The following SGMS1 variants were observed in gnomAD, a reference collection of about 807,000 sequenced individuals.
SGMS1 encodes the protein phosphatidylcholine:ceramide cholinephosphotransferase 1.
SGMS1 carries 13 observed loss-of-function variants against 46.2 expected under a neutral mutation model. The ratio of observed to expected loss-of-function variants is 0.28; its 90% confidence interval spans 0.18 to 0.45. The LOEUF is 0.45. Among genes scored for constraint, SGMS1 ranks in the 20% least tolerant of loss-of-function variants. SGMS1 has a pLI of 1.00. For missense variants in SGMS1, 324 were observed against 519.9 expected, an observed-to-expected ratio of 0.62 and a Z score of 3.66; for synonymous variants, 203 against 187.8, an observed-to-expected ratio of 1.08 and a Z score of -0.66.
chr10:50,373,480 A>G (rs189621974), intron 6 of SGMS1, among the ~76,000 whole-genome samples: 94 of 152,378 alleles, frequency 6.2e-4, no homozygotes, highest in African/African-American at 2.2e-3. Flanking sequence ...GCATTATGTG[A>G]TCATAACCTG....
chr10:50,403,426 G>A (rs560332903), intron 6 of SGMS1, among the ~76,000 whole-genome samples: 2 of 152,254 alleles, frequency 1.3e-5, no homozygotes, highest in Non-Finnish European at 2.9e-5. Flanking sequence ...ACATTTGTCA[G>A]GCATGCATAT....
intron 6 of SGMS1, among the ~76,000 whole-genome samples, chr10:50,348,897 C>T (rs113780604): frequency 0.032 from 4,922 of 152,276 alleles, 81 homozygotes; most frequent in African/African-American, 0.047. Flanking sequence ...GGAAGCATCA[C>T]GCTACCTGAC....
chr10:50,559,342 G>C (rs760780859), intron 2 of SGMS1, among the ~76,000 whole-genome samples: 15 of 152,110 alleles, frequency 9.9e-5, no homozygotes, highest in Non-Finnish European at 2.2e-4. Flanking sequence ...ACCCTACACT[G>C]TCATTCCAAA....
intron 5 of SGMS1, among the ~76,000 whole-genome samples, chr10:50,445,677 C>T (rs982615338): frequency 1.3e-5 from 2 of 152,080 alleles, no homozygotes; most frequent in Non-Finnish European, 2.9e-5. Flanking sequence ...ATGAATGTCA[C>T]CTCAGGACCC....
chr10:50,623,843 G>C lies in SGMS1; in HGVS notation c.-820C>G. The C allele has an allele frequency of 3.0e-6, 3 of 985,384 alleles. No individual in the cohort carries two copies. Among genetic ancestry groups the C allele is most frequent in the Non-Finnish European group, 3.6e-6 (3 of 829,974 alleles). The allele number at this position is 985,384 out of a possible 1,614,324, so 61.0% of individuals were successfully genotyped here. The stretch of plus-strand genomic sequence containing the variant: ...CCGGCTCCCTAGGCGCGAGGGGAGA[G>C]CAGTCAGCCCAGGCCGGTCCTTCTC... On this transcript the variant is annotated 5_prime_UTR_variant, in exon 1 of 11. Coordinates refer to ENST00000361781, the MANE Select transcript of SGMS1 (RefSeq NM_147156.4).
intron 6 of SGMS1, among the ~76,000 whole-genome samples, chr10:50,358,329 A>G (rs1848189798): frequency 6.6e-6 from 1 of 152,226 alleles, no homozygotes; most frequent in Non-Finnish European, 1.5e-5. Flanking sequence ...AAGAATTGAT[A>G]TTATTTTATT....
At chr10:50,440,330 T>C (rs977946890) in intron 5 of SGMS1, among the ~76,000 whole-genome samples, 3 of 151,406 alleles carry the variant, frequency 2.0e-5, no homozygotes, top group African/African-American at 7.3e-5. Context: ...ACATTCTCCT[T>C]CCTAATCCTT....
intron 8 of SGMS1, among the ~76,000 whole-genome samples, chr10:50,315,688 A>G (rs1009835353): frequency 2.0e-5 from 3 of 152,212 alleles, no homozygotes; most frequent in African/African-American, 7.2e-5. Flanking sequence ...AACCTTGCCT[A>G]TCAGTAGCTT....
chr10:50,450,784 C>T (rs1394737010), intron 5 of SGMS1, among the ~76,000 whole-genome samples: 2 of 152,028 alleles, frequency 1.3e-5, no homozygotes, highest in East Asian at 3.9e-4. Context: ...TTAATAATTT[C>T]CTAATAAACC....
intron 9 of SGMS1, among the ~76,000 whole-genome samples, chr10:50,308,616 C>A (rs976014031): frequency 6.6e-6 from 1 of 152,036 alleles, no homozygotes; most frequent in Non-Finnish European, 1.5e-5. Context: ...ATACACTAAT[C>A]TGAAAGTCTT....
intron 6 of SGMS1, among the ~76,000 whole-genome samples, chr10:50,344,682 A>C (rs1001774936): frequency 1.3e-4 from 20 of 152,000 alleles, no homozygotes; most frequent in Non-Finnish European, 2.5e-4. Flanking sequence ...ATCCTGGCTA[A>C]CACGGTGAAA....
At chr10:50,321,034 G>T (rs1847433756) in intron 8 of SGMS1, among the ~76,000 whole-genome samples, 1 of 136,536 alleles carries the variant, frequency 7.3e-6, no homozygotes, top group African/African-American at 3.0e-5. Context: ...CATAGGGCAG[G>T]TTCTCTAGAA....
chr10:50,336,063 C>G (rs1379252175), intron 7 of SGMS1: 1 of 152,156 alleles, frequency 6.6e-6, no homozygotes, highest in Non-Finnish European at 1.5e-5. Context: ...AAAGGTGAGG[C>G]ACAATCTGGG....
chr10:50,538,317 G>A (rs1488106331), intron 2 of SGMS1, among the ~76,000 whole-genome samples: 2 of 151,544 alleles, frequency 1.3e-5, no homozygotes, highest in South Asian at 2.1e-4. Flanking sequence ...AATTAGCCGG[G>A]CGTGGTGGTG....
chr10:50,446,969 G>T (rs1314092352), intron 5 of SGMS1, among the ~76,000 whole-genome samples: 1 of 152,108 alleles, frequency 6.6e-6, no homozygotes, highest in Non-Finnish European at 1.5e-5. Context: ...AAAAATAGAA[G>T]GTGTGTGTGT....
At chr10:50,329,800 C>T (rs1023623220) in intron 7 of SGMS1, among the ~76,000 whole-genome samples, 1 of 152,190 alleles carries the variant, frequency 6.6e-6, no homozygotes, top group African/African-American at 2.4e-5. Context: ...TCTCCTTCCA[C>T]ATTCAAAAGA....
intron 3 of SGMS1, chr10:50,473,899 C>T: frequency 6.6e-6 from 1 of 152,254 alleles, no homozygotes; most frequent in East Asian, 1.9e-4. Context: ...AAGCCTAGGG[C>T]TTGGGTTTGA....
At chr10:50,459,162 A>G (rs980868556) in intron 5 of SGMS1, among the ~76,000 whole-genome samples, 20 of 152,220 alleles carry the variant, frequency 1.3e-4, no homozygotes, top group African/African-American at 4.6e-4. Flanking sequence ...CTAGACTCAT[A>G]ATCAACTCAG....
chr10:50,562,603 G>A (rs1018352520), intron 2 of SGMS1, among the ~76,000 whole-genome samples: 1 of 152,190 alleles, frequency 6.6e-6, no homozygotes, highest in African/African-American at 2.4e-5. Flanking sequence ...GAGTGCAGTG[G>A]CGCGATCTCG....
Sources: allele counts gnomAD v4.1 joint callset (sites outside exome capture counted in the v4.1 genomes callset), GRCh38; gene constraint gnomAD v4.1.1; transcripts MANE v1.5; gene names NCBI Gene and HGNC (gene_info 2026-07-23, HGNC 2026-07-21).